CRTAM: variants seen among roughly 807,000 people sequenced by gnomAD.
CRTAM encodes cytotoxic and regulatory T cell molecule.
In CRTAM, 44 loss-of-function variants were observed where a neutral mutation model predicts 50.0. The observed-to-expected ratio is 0.88, with a 90% CI of 0.69 to 1.13. The LOEUF (loss-of-function observed/expected upper bound fraction) is 1.13, where lower values mean the gene tolerates loss of function less well. CRTAM is among the 50% of genes most tolerant of loss of function. The pLI is 0.00. For synonymous variants in CRTAM, 159 were observed against 169.3 expected, an observed-to-expected ratio of 0.94 and a Z score of 0.47; for missense variants, 448 against 457.5, an observed-to-expected ratio of 0.98 and a Z score of 0.19.
chr11:122,868,355 T>G (rs568043877), intron 9 of CRTAM, among the ~76,000 whole-genome samples: 2 of 152,088 alleles, frequency 1.3e-5, no homozygotes, highest in East Asian at 3.9e-4. Flanking sequence ...TCAGTCCAAG[T>G]TCAAAGGCCT....
intron 6 of CRTAM, 124 bp from the exon 7 acceptor site, chr11:122,864,512 T>G: frequency 3.3e-6 from 2 of 611,798 alleles, no homozygotes; most frequent in Non-Finnish European, 2.9e-6. Flanking sequence ...TCACAAATGA[T>G]CTCAGTACTG....
At position 122,872,425 on chromosome 11, in the gene CRTAM, A is replaced by G. The variant is rs1214461907; in HGVS notation, c.*1026A>G. 6.6e-6 allele frequency: 1 copy of G among 152,596 alleles called. No individual in the cohort carries two copies. Among genetic ancestry groups the G allele is most frequent in the Non-Finnish European group, 1.5e-5 (1 of 68,046 alleles). 9.5% of individuals were successfully genotyped at this position (152,596 alleles called of 1,614,324 possible). On this transcript the variant is annotated 3_prime_UTR_variant, in exon 10 of 10. Transcript: ENST00000227348. ...GGTTGAATTTACTGATTATTGACCT[A>G]ATGGATGGCTTTTTAAAATGTTTTA...
intron 2 of CRTAM, 60 bp downstream of exon 2, chr11:122,850,274 C>T (rs1314422130): frequency 8.7e-6 from 13 of 1,492,942 alleles, no homozygotes; most frequent in African/African-American, 2.8e-5. Context: ...TTTTTCCAGC[C>T]GGACAGTTTG....
intron 6 of CRTAM, among the ~76,000 whole-genome samples, chr11:122,863,282 A>AAGAG (rs1191620707): frequency 1.3e-5 from 2 of 150,232 alleles, no homozygotes; most frequent in Non-Finnish European, 1.5e-5. Flanking sequence ...AAAAGAAAGA[A>AAGAG]AGAAAAAGAA....
intron 5 of CRTAM, 57 bp from the exon 6 acceptor site, chr11:122,862,407 C>T (rs780184666): frequency 2.8e-6 from 3 of 1,061,326 alleles, no homozygotes; most frequent in East Asian, 2.4e-5. Flanking sequence ...TTACTGAGCA[C>T]AATGTGGGTA....
chr11:122,865,107 G>A (rs554136874), intron 7 of CRTAM, among the ~76,000 whole-genome samples: 1 of 152,056 alleles, frequency 6.6e-6, no homozygotes, highest in Non-Finnish European at 1.5e-5. Flanking sequence ...TGCAATCCCA[G>A]CTCACTATAA....
intron 9 of CRTAM, among the ~76,000 whole-genome samples, chr11:122,868,414 G>T (rs539109976): frequency 1.3e-5 from 2 of 152,158 alleles, no homozygotes; most frequent in East Asian, 3.9e-4. Context: ...CGAAGCTAGG[G>T]AGTCTCGAGT....
At chr11:122,851,661 C>G in intron 2 of CRTAM, 32 bp from the exon 3 acceptor site, 1 of 1,609,958 alleles carries the variant, frequency 6.2e-7, no homozygotes, top group South Asian at 1.1e-5. Flanking sequence ...GGATATCTTT[C>G]CTCATAACAG....
intron 1 of CRTAM, among the ~76,000 whole-genome samples, chr11:122,848,240 G>T (rs998178358): frequency 4.6e-5 from 7 of 152,206 alleles, no homozygotes; most frequent in South Asian, 4.1e-4. Context: ...TGGATGTCAT[G>T]AGAACACAAA....
At chr11:122,863,257 GA>G (rs1469648936) in intron 6 of CRTAM, among the ~76,000 whole-genome samples, 13 of 69,972 alleles carry the variant, frequency 1.9e-4, no homozygotes, top group Non-Finnish European at 2.5e-4. Flanking sequence ...AAGAGAGAAA[GA>G]AAAGAAAGAA....
At chr11:122,849,100 G>C (rs553083855) in intron 1 of CRTAM, among the ~76,000 whole-genome samples, 20 of 152,292 alleles carry the variant, frequency 1.3e-4, no homozygotes, top group African/African-American at 4.1e-4. Context: ...CCTCCCTCTG[G>C]TGTAGAAACT....
chr11:122,841,291 T>C (rs976770432), intron 1 of CRTAM, among the ~76,000 whole-genome samples: 1 of 152,200 alleles, frequency 6.6e-6, no homozygotes, highest in Admixed American at 6.5e-5. Flanking sequence ...AATTAATGCA[T>C]TGCATGTCTC....
chr11:122,845,197 C>A (rs1242869302), intron 1 of CRTAM, among the ~76,000 whole-genome samples: 1 of 152,054 alleles, frequency 6.6e-6, no homozygotes, highest in Non-Finnish European at 1.5e-5. Flanking sequence ...GGTAAAGACA[C>A]TGATTTAAGG....
intron 5 of CRTAM, among the ~76,000 whole-genome samples, chr11:122,861,408 ATATATATATATAT>A (rs1457826886): frequency 0.016 from 369 of 23,290 alleles, 11 homozygotes; most frequent in African/African-American, 0.052. Flanking sequence ...ATATATATAT[ATATATATATATAT>A]TTTTTTTTTT....
intron 5 of CRTAM, among the ~76,000 whole-genome samples, chr11:122,857,979 C>T (rs754443946): frequency 1.3e-5 from 2 of 152,094 alleles, no homozygotes; most frequent in Non-Finnish European, 2.9e-5. Context: ...GGTGTGATCG[C>T]GGCTCACTGC....
intron 1 of CRTAM, among the ~76,000 whole-genome samples, 168 bp downstream of exon 1, chr11:122,838,760 C>T (rs1470802134): frequency 1.7e-4 from 26 of 152,020 alleles, no homozygotes; most frequent in Admixed American, 1.7e-3. Flanking sequence ...AGGGATGTTA[C>T]TGCGTTTATT....
At chr11:122,853,829 C>T (rs1001023176) in intron 3 of CRTAM, 114 bp from the exon 4 acceptor site, 2 of 905,676 alleles carry the variant, frequency 2.2e-6, no homozygotes, top group South Asian at 5.7e-5. Flanking sequence ...AAAAAGAAAG[C>T]CCATTAATTA....
At chr11:122,845,039 T>C (rs1861845222) in intron 1 of CRTAM, among the ~76,000 whole-genome samples, 1 of 152,138 alleles carries the variant, frequency 6.6e-6, no homozygotes, top group African/African-American at 2.4e-5. Flanking sequence ...AGATGACCTA[T>C]GGAGTGAGTA....
intron 9 of CRTAM, among the ~76,000 whole-genome samples, chr11:122,870,123 C>T (rs997517777): frequency 2.3e-4 from 35 of 152,268 alleles, no homozygotes; most frequent in East Asian, 1.9e-4. Flanking sequence ...CTCTGTTGCC[C>T]AGGCTGGAGT....
Sources: allele counts gnomAD v4.1 joint callset (sites outside exome capture counted in the v4.1 genomes callset), GRCh38; gene constraint gnomAD v4.1.1; transcripts MANE v1.5; gene names NCBI Gene and HGNC (gene_info 2026-07-23, HGNC 2026-07-21).